The following RYR3 variants were observed in gnomAD, a reference collection of about 807,000 sequenced individuals.
RYR3 encodes ryanodine receptor 3, also known as brain ryanodine receptor-calcium release channel.
Under a neutral mutation model 584.3 loss-of-function variants are expected in RYR3, and 207 were observed. The observed-to-expected ratio is 0.35, with a 90% CI of 0.32 to 0.40. The LOEUF (loss-of-function observed/expected upper bound fraction) is 0.40. Among genes scored for constraint, RYR3 ranks in the 10% least tolerant of loss-of-function variants. The pLI is 1.00. For missense variants in RYR3, 5,616 were observed against 6,089.2 expected (o/e 0.92, Z 2.59); for synonymous variants, 2,416 against 2,248.5 (o/e 1.07, Z -2.11).
chr15:33,633,874 A>C (rs941894214), intron 24 of RYR3, among the ~76,000 whole-genome samples: 1 of 152,184 alleles, frequency 6.6e-6, no homozygotes. Flanking sequence ...ATGTTTCTCC[A>C]TGAAGGCTGT....
chr15:33,611,473 G>A (rs553408993), intron 18 of RYR3, among the ~76,000 whole-genome samples: 42 of 151,748 alleles, frequency 2.8e-4, no homozygotes, highest in African/African-American at 9.2e-4. Context: ...GCCTCCTGGC[G>A]TGAACCCAGG....
At chr15:33,369,522 T>C (rs1219056260) in intron 1 of RYR3, among the ~76,000 whole-genome samples, 1 of 152,204 alleles carries the variant, frequency 6.6e-6, no homozygotes, top group Non-Finnish European at 1.5e-5. Context: ...TCCTTTACCA[T>C]AGGATTCTCT....
intron 1 of RYR3, among the ~76,000 whole-genome samples, chr15:33,451,653 C>A (rs2047141899): frequency 6.6e-6 from 1 of 152,154 alleles, no homozygotes; most frequent in African/African-American, 2.4e-5. Context: ...AAGCCTAGTC[C>A]AGTGCAGACA....
intron 1 of RYR3, among the ~76,000 whole-genome samples, chr15:33,312,836 C>G (rs1967539808): frequency 6.6e-6 from 1 of 152,198 alleles, no homozygotes; most frequent in African/African-American, 2.4e-5. Context: ...CCTGACTTTT[C>G]CTCTCCATCT....
intron 62 of RYR3, among the ~76,000 whole-genome samples, chr15:33,770,347 G>A (rs538402955): frequency 6.6e-5 from 10 of 152,336 alleles, no homozygotes; most frequent in African/African-American, 2.4e-4. Context: ...AAAGTCTTGA[G>A]AGAGTCCAGT....
At chr15:33,659,418 G>C (rs2063013592) in intron 32 of RYR3, among the ~76,000 whole-genome samples, 1 of 152,224 alleles carries the variant, frequency 6.6e-6, no homozygotes, top group African/African-American at 2.4e-5. Flanking sequence ...CCTTTGGTGG[G>C]GAGTTAGCTT....
intron 32 of RYR3, among the ~76,000 whole-genome samples, chr15:33,654,281 G>A (rs968837301): frequency 3.3e-5 from 5 of 152,082 alleles, no homozygotes; most frequent in Non-Finnish European, 7.4e-5. Flanking sequence ...TGGGGAGGCC[G>A]AGGCAGACAG....
intron 4 of RYR3, 37 bp from the exon 5 acceptor site, chr15:33,533,274 G>C (rs756254762): frequency 7.1e-7 from 1 of 1,407,412 alleles, no homozygotes; most frequent in African/African-American, 1.4e-5. Context: ...CTCAATGGAA[G>C]AGTGTGACTT....
rs551745201 is a variant in RYR3, at chr15:33,808,176, G to A, written c.10026+607G>A. ...GAGATGTGGAGGAACTAGGGCACACGCAGCTCTTAGTTAGGAAAGGAAGAT... is the reference window on the plus strand; with the variant it reads ...GAGATGTGGAGGAACTAGGGCACACACAGCTCTTAGTTAGGAAAGGAAGAT... On this transcript the variant is annotated intron_variant, in intron 70 of 103. Transcript: ENST00000634891. Among the ~76,000 whole-genome samples, 8 of 152,322 alleles carry A rather than the reference G, an allele frequency of 5.3e-5. No individual in the cohort carries two copies. In the South Asian group the frequency reaches 6.2e-4, roughly 12 times the overall value.
intron 1 of RYR3, among the ~76,000 whole-genome samples, chr15:33,452,624 C>T (rs1043525588): frequency 2.0e-5 from 3 of 152,056 alleles, no homozygotes; most frequent in African/African-American, 7.2e-5. Flanking sequence ...TTTATATTTA[C>T]TAACTCATTT....
intron 43 of RYR3, among the ~76,000 whole-genome samples, chr15:33,707,733 G>A (rs1386236414): frequency 6.6e-6 from 1 of 152,148 alleles, no homozygotes; most frequent in African/African-American, 2.4e-5. Flanking sequence ...TGTTCTCTCA[G>A]TTTGGGGTTC....
At chr15:33,382,527 TAGTC>T (rs1161983683) in intron 1 of RYR3, among the ~76,000 whole-genome samples, 1 of 151,980 alleles carries the variant, frequency 6.6e-6, no homozygotes, top group Non-Finnish European at 1.5e-5. Flanking sequence ...TTCACCATAT[TAGTC>T]AGGCTGCTCT....
rs775780087 is a variant in RYR3, at chr15:33,550,253, T to C, written c.909T>C (p.Leu303=). ...HYLALTEDQG[L]ILQDRAKSDT... ...TGGCCTTGACAGAAGACCAAGGCCT[T>C]ATACTGCAAGACCGGGCAAAGTCAG... The change falls in exon 10 of 104, where the codon CTT becomes CTC. Residue 303 remains leucine, a synonymous_variant. Coordinates refer to ENST00000634891, the MANE Select transcript of RYR3 (RefSeq NM_001036.6). The C allele has an allele frequency of 6.2e-7, 1 of 1,613,806 alleles. No individual in the cohort carries two copies. The highest frequency in any genetic ancestry group is 8.5e-7 in the Non-Finnish European group (1 of 1,179,808).
intron 23 of RYR3, among the ~76,000 whole-genome samples, chr15:33,632,277 C>T (rs1296688935): frequency 6.6e-6 from 1 of 152,228 alleles, no homozygotes; most frequent in African/African-American, 2.4e-5. Context: ...TCCCACATGG[C>T]CATGACAATC....
chr15:33,658,078 A>G (rs915613596), intron 32 of RYR3, among the ~76,000 whole-genome samples: 9 of 152,260 alleles, frequency 5.9e-5, no homozygotes, highest in African/African-American at 1.9e-4. Context: ...GGCTTAAAAT[A>G]GCATATATTT....
At chr15:33,548,244 T>C in intron 9 of RYR3, 40 bp downstream of exon 9, 1 of 1,269,800 alleles carries the variant, frequency 7.9e-7, no homozygotes, top group Non-Finnish European at 1.1e-6. Flanking sequence ...AAGATTACTT[T>C]CTTTTTCAGT....
At chr15:33,645,624 A>G (rs1247472974) in intron 28 of RYR3, among the ~76,000 whole-genome samples, 1 of 152,206 alleles carries the variant, frequency 6.6e-6, no homozygotes, top group Non-Finnish European at 1.5e-5. Context: ...AGGACCCAGG[A>G]CAAGAACAGT....
intron 87 of RYR3, among the ~76,000 whole-genome samples, chr15:33,836,440 C>T (rs908053757): frequency 2.6e-5 from 4 of 152,100 alleles, no homozygotes; most frequent in Admixed American, 2.6e-4. Context: ...GCACCCAGAT[C>T]ACCACCAACT....
intron 16 of RYR3, among the ~76,000 whole-genome samples, chr15:33,590,251 C>T (rs747180887): frequency 1.3e-5 from 2 of 152,134 alleles, no homozygotes; most frequent in East Asian, 1.9e-4. Flanking sequence ...TGTGATTCTT[C>T]ACTTGCTTCA....
Sources: gnomAD v4.1 joint callset for allele counts (sites outside exome capture counted in the v4.1 genomes callset) on GRCh38, gnomAD v4.1.1 for gene constraint, MANE v1.5 for transcripts, NCBI Gene and HGNC (gene_info 2026-07-23, HGNC 2026-07-21) for gene names.